The following ABCC9 variants were observed in gnomAD, a reference collection of about 807,000 sequenced individuals.
ABCC9 encodes the protein ATP binding cassette subfamily C member 9.
A neutral mutation model predicts 188.3 loss-of-function variants in ABCC9; 95 were observed. That is an observed-to-expected ratio of 0.50 (90% CI 0.43 to 0.60). The LOEUF (loss-of-function observed/expected upper bound fraction) is 0.60, where lower values mean the gene tolerates loss of function less well. ABCC9 is among the 20% of genes least tolerant of loss of function. The probability of loss-of-function intolerance (pLI) is 0.00; values close to 1 mark genes in which losing one functional copy is unlikely to be tolerated. For synonymous variants in ABCC9, 659 were observed against 652.7 expected (o/e 1.01, Z -0.15); for missense variants, 1,102 against 1,876.3 (o/e 0.59, Z 7.62).
chr12:21,802,372 A>G (rs1303716696), intron 39 of ABCC9, among the ~76,000 whole-genome samples: 1 of 151,816 alleles, frequency 6.6e-6, no homozygotes, highest in African/African-American at 2.4e-5. Flanking sequence ...TGCTAAGATC[A>G]GTATTGTTCA....
In ABCC9 at chr12:21,888,336, G is replaced by A. The variant is rs118131767; in HGVS notation, c.1803-402C>T. Reference sequence around the variant, plus strand: ...TTAGTATTCTAGTTTTACAAATGATGGGGAGGTGACGTACAGAGAAACTAA... The same window carrying A: ...TTAGTATTCTAGTTTTACAAATGATAGGGAGGTGACGTACAGAGAAACTAA... On this transcript the variant is annotated intron_variant, in intron 14 of 39. Transcript: ENST00000261200. Among the ~76,000 whole-genome samples the A allele has an allele frequency of 1.6e-3, 240 of 152,180 alleles. 1 individual carries two copies. The East Asian group carries it at 0.027, about 17-fold the overall frequency.
At chr12:21,875,912 ATC>A (rs1946317906) in intron 16 of ABCC9, among the ~76,000 whole-genome samples, 186 bp from the exon 17 acceptor site, 2 of 152,136 alleles carry the variant, frequency 1.3e-5, no homozygotes, top group South Asian at 4.2e-4. Flanking sequence ...GTGAAACCCC[ATC>A]TCTACTAAAA....
At chr12:21,806,569 C>T (rs1349545703) in intron 38 of ABCC9, among the ~76,000 whole-genome samples, 2 of 152,096 alleles carry the variant, frequency 1.3e-5, no homozygotes, top group African/African-American at 2.4e-5. Flanking sequence ...CATCTCTGTC[C>T]TAGAGGAAAT....
At chr12:21,915,309 TATA>T (rs1353150111) in intron 7 of ABCC9, among the ~76,000 whole-genome samples, 5 of 66,192 alleles carry the variant, frequency 7.6e-5, no homozygotes, top group South Asian at 4.5e-4. Flanking sequence ...TGTATATATA[TATA>T]ATGTGTATAT....
chr12:21,887,061 G>A (rs181925960), intron 15 of ABCC9, among the ~76,000 whole-genome samples: 3 of 152,132 alleles, frequency 2.0e-5, no homozygotes, highest in African/African-American at 7.2e-5. Context: ...AGCGAATTCT[G>A]TGACAGGAAG....
At chr12:21,836,890 TA>T (rs1190566291) in intron 30 of ABCC9, among the ~76,000 whole-genome samples, 1 of 151,816 alleles carries the variant, frequency 6.6e-6, no homozygotes, top group Non-Finnish European at 1.5e-5. Context: ...ACAAAGGAAA[TA>T]AAAAGGACAA....
intron 10 of ABCC9, among the ~76,000 whole-genome samples, chr12:21,908,571 TGA>T (rs1380481959): frequency 6.6e-6 from 1 of 151,980 alleles, no homozygotes; most frequent in Non-Finnish European, 1.5e-5. Flanking sequence ...AATTTTTTCT[TGA>T]AAACGCTGTC....
rs1949382458 is a variant in ABCC9, at chr12:21,933,921, A to G, written c.145T>C (p.Trp49Arg). The G allele has an allele frequency of 6.2e-7, 1 of 1,613,310 alleles. No homozygotes were observed. Among genetic ancestry groups the G allele is most frequent in the African/African-American group, 1.3e-5 (1 of 74,856 alleles). ...TGTACTTTTGAGCTTTGGCTCCCCCACCCTGGAAAAGAGAGAAAAGTTAAA... is the reference window on the plus strand; with the variant it reads ...TGTACTTTTGAGCTTTGGCTCCCCCGCCCTGGAAAAGAGAGAAAAGTTAAA... ...FITFPILFIGWGSQSSKVQIH... is the reference protein window; with the variant it reads ...FITFPILFIGRGSQSSKVQIH... The change falls in exon 4 of 40, where the codon TGG (tryptophan) becomes CGG (arginine). Residue 49 changes from tryptophan (W) to arginine (R), a missense_variant and splice_region_variant. By Grantham distance (101) the Trp-to-Arg change is moderately radical. Transcript: ENST00000261200.
At chr12:21,855,151 C>T (rs922090088) in intron 22 of ABCC9, among the ~76,000 whole-genome samples, 1 of 152,118 alleles carries the variant, frequency 6.6e-6, no homozygotes, top group Non-Finnish European at 1.5e-5. Flanking sequence ...AAAAATAAGA[C>T]ATGAATTGAA....
intron 12 of ABCC9, among the ~76,000 whole-genome samples, chr12:21,902,353 C>A (rs201464959): frequency 4.0e-5 from 6 of 150,956 alleles, no homozygotes; most frequent in Admixed American, 1.3e-4. Flanking sequence ...CAGGAAAGAT[C>A]TAAAACGGAC....
chr12:21,887,923 A>C lies in ABCC9; in HGVS notation c.1814T>G (p.Leu605Arg). The change falls in exon 15 of 40, where the codon CTG becomes CGG. Residue 605 changes from leucine (L) to arginine (R), a missense_variant. Around this residue, in one of 12 missense-constraint regions of ABCC9, gnomAD observed 258 missense variants for 325.6 expected, o/e 0.79. Coordinates refer to ENST00000261200, the MANE Select transcript of ABCC9 (RefSeq NM_020297.4). Reference sequence around the variant, plus strand: ...CTCATCACTCAAGAGAAACTCATTCAGCTTTTGAACACTGCAAAAAACAAT... The same window carrying C: ...CTCATCACTCAAGAGAAACTCATTCCGCTTTTGAACACTGCAAAAAACAAT... Reference protein sequence around the residue: ...AVKAIISVQKLNEFLLSDEIG... With the variant: ...AVKAIISVQKRNEFLLSDEIG... The C allele has an allele frequency of 6.2e-7, 1 of 1,612,802 alleles. No individual in the cohort carries two copies. The highest frequency in any genetic ancestry group is 8.5e-7 in the Non-Finnish European group (1 of 1,178,930).
chr12:21,816,045 T>TTG, intron 33 of ABCC9, 152 bp from the exon 34 acceptor site: 1 of 48,958 alleles, frequency 2.0e-5, no homozygotes, highest in Non-Finnish European at 3.5e-5. Flanking sequence ...AGTTTTTTTT[T>TTG]TTTTTTTTTT....
intron 4 of ABCC9, among the ~76,000 whole-genome samples, chr12:21,932,886 T>C (rs1363032087): frequency 6.6e-6 from 1 of 151,624 alleles, no homozygotes; most frequent in Non-Finnish European, 1.5e-5. Flanking sequence ...CATTATTGGG[T>C]AATGGGAATA....
intron 18 of ABCC9, 25 bp downstream of exon 18, chr12:21,872,600 G>C: frequency 6.5e-7 from 1 of 1,537,718 alleles, no homozygotes; most frequent in Non-Finnish European, 9.0e-7. Flanking sequence ...ACATAGCAAT[G>C]GAAGCCAACT....
At chr12:21,805,377 AAT>A in intron 39 of ABCC9, 4 of 1,521,050 alleles carry the variant, frequency 2.6e-6, no homozygotes, top group Non-Finnish European at 3.6e-6. Context: ...CTCATTAAAA[AAT>A]AGTTTTTATT....
At chr12:21,896,099 A>G (rs147826927) in intron 12 of ABCC9, among the ~76,000 whole-genome samples, 1 of 128,062 alleles carries the variant, frequency 7.8e-6, no homozygotes. Context: ...TTTTTTTTTT[A>G]CTTTTCTTTT....
rs1239536973 is a variant in ABCC9 at position 21,798,797 on chromosome 12, C to T, written c.*2247G>A. On this transcript the variant is annotated 3_prime_UTR_variant, in exon 40 of 40. Transcript: ENST00000261200. ...ATGCTGCTATAAAGACACATGCACA[C>T]GTATGTTTATTGCGGCATTATTCAC... 23 of 146,596 alleles carry T rather than the reference C, an allele frequency of 1.6e-4. No individual in the cohort carries two copies. The highest frequency in any genetic ancestry group is 3.8e-4 in the African/African-American group (15 of 39,514). 9.1% of individuals were successfully genotyped at this position (146,596 alleles called of 1,614,324 possible).
chr12:21,837,183 A>C (rs1276841344), intron 30 of ABCC9, among the ~76,000 whole-genome samples: 1 of 152,200 alleles, frequency 6.6e-6, no homozygotes, highest in Non-Finnish European at 1.5e-5. Context: ...AATGCCAATA[A>C]ATAATTTTGA....
intron 30 of ABCC9, among the ~76,000 whole-genome samples, chr12:21,832,289 C>G (rs369794517): frequency 6.6e-6 from 1 of 152,096 alleles, no homozygotes; most frequent in Non-Finnish European, 1.5e-5. Context: ...ACCCTCAATG[C>G]GGGGGAGGAA....
Sources: allele counts gnomAD v4.1 joint callset (sites outside exome capture counted in the v4.1 genomes callset), GRCh38; gene constraint gnomAD v4.1.1; regional missense constraint gnomAD v4.1.1; transcripts MANE v1.5; gene names NCBI Gene and HGNC (gene_info 2026-07-23, HGNC 2026-07-21).